The following SLC24A1 variants were observed in gnomAD, a reference collection of about 807,000 sequenced individuals.
The protein encoded by SLC24A1 is sodium/potassium/calcium exchanger 1.
In SLC24A1, 52 loss-of-function variants were observed where a neutral mutation model predicts 88.1. The ratio of observed to expected loss-of-function variants is 0.59; its 90% CI spans 0.47 to 0.74. The LOEUF (loss-of-function observed/expected upper bound fraction) is 0.74. Ranked by LOEUF, SLC24A1 falls within the 30% of genes least tolerant of loss-of-function variation. The pLI is 0.00. For synonymous variants in SLC24A1, 455 were observed against 498.0 expected (o/e 0.91, Z 1.15); for missense variants, 1,173 against 1,363.3 (o/e 0.86, Z 2.20).
intron 4 of SLC24A1, among the ~76,000 whole-genome samples, chr15:65,642,442 G>T (rs546861573): frequency 2.6e-4 from 39 of 152,324 alleles, no homozygotes; most frequent in African/African-American, 8.7e-4. Context: ...AACATGGGAA[G>T]TGAGAGTCTA....
intron 2 of SLC24A1, among the ~76,000 whole-genome samples, chr15:65,634,740 C>CAAAAAAAAAAAAAAAAAAGAA (rs2074852079): frequency 1.1e-5 from 1 of 90,538 alleles, no homozygotes; most frequent in African/African-American, 4.1e-5. Context: ...TCAAAAGCAC[C>CAAAAAAAAAAAAAAAAAAGAA]AAAAAAAAAA....
Position 65,654,929 on chromosome 15 carries a change from T to C in SLC24A1, c.*850T>C. 3 of 1,099,396 alleles carry C rather than the reference T, an allele frequency of 2.7e-6. No homozygotes were observed. Among genetic ancestry groups the C allele is most frequent in the Non-Finnish European group, 3.3e-6 (3 of 895,698 alleles). 68.1% of individuals were successfully genotyped at this position (1,099,396 alleles called of 1,614,324 possible). ...AGTATTTTCTAGTTTAAAGGAGGAC[T>C]ACATTAACTCTTATTGTTGTGTTTC... On this transcript the variant is annotated 3_prime_UTR_variant, in exon 10 of 10. Transcript: ENST00000261892.
At chr15:65,653,627 T>C (rs1047255642) in intron 9 of SLC24A1, among the ~76,000 whole-genome samples, 2 of 152,166 alleles carry the variant, frequency 1.3e-5, no homozygotes, top group Non-Finnish European at 1.5e-5. Flanking sequence ...TAAGCTCTTC[T>C]AGTTATTAAT....
chr15:65,631,765 G>T (rs919560497), intron 2 of SLC24A1, among the ~76,000 whole-genome samples: 2 of 152,168 alleles, frequency 1.3e-5, no homozygotes, highest in African/African-American at 4.8e-5. Context: ...GGCAAAAACC[G>T]CGATTACTTT....
Position 65,615,254 on chromosome 15 carries a change from T to C in SLC24A1, c.-228+2641T>C, listed in dbSNP as rs549477478. ...AACAAAATGCTATGAAGTCTAAATTTTTAAAGGCCCCTCATGATCTGGGCC... is the reference window on the plus strand; with the variant it reads ...AACAAAATGCTATGAAGTCTAAATTCTTAAAGGCCCCTCATGATCTGGGCC... On this transcript the variant is annotated intron_variant, in intron 2 of 11. Transcript: ENST00000537259. Among the ~76,000 whole-genome samples, 11 of 152,206 alleles carry C rather than the reference T, an allele frequency of 7.2e-5. No homozygotes were observed. The South Asian group carries it at 2.1e-3, about 29-fold the overall frequency.
chr15:65,650,938 G>T lies in SLC24A1; in HGVS notation c.2789G>T (p.Arg930Met). 1.2e-6 allele frequency: 2 copies of T among 1,613,830 alleles called. No homozygotes were observed. The highest frequency in any genetic ancestry group is 1.7e-6 in the Non-Finnish European group (2 of 1,179,770). The change falls in exon 7 of 10, where the codon AGG becomes ATG. Residue 930 changes from arginine to methionine, a missense_variant. Physicochemically the swap from Arg to Met is moderately conservative, Grantham distance 91. Coordinates refer to ENST00000261892, the MANE Select transcript of SLC24A1 (RefSeq NM_004727.3). This position sits in a 1 kb window ranked among gnomAD's most constrained non-coding sequence, Gnocchi z 4.1. The part of the protein sequence containing the change: ...PLWLTVPDVR[R>M]QESRKFFVFT... ...TGGCTGACAGTCCCCGACGTCCGAA[G>T]GCAGGTGAGTGTGCCCATCTGTATC...
chr15:65,644,734 T>C (rs1596337514), intron 5 of SLC24A1, among the ~76,000 whole-genome samples: 2 of 152,296 alleles, frequency 1.3e-5, no homozygotes, highest in South Asian at 2.1e-4. Flanking sequence ...TGGCCGCTGG[T>C]CTGAGAGTGG....
At position 65,625,139 on chromosome 15, in the gene SLC24A1, T is replaced by A; in HGVS notation, c.1059T>A (p.Ser353Arg). ...WSLRNPSPRT[S>R]VSAIKTAPAI... ...TTAGGAATCCTTCACCCAGGACCAG[T>A]GTATCAGCCATCAAAACAGCCCCAG... Residue 353 changes from serine (S) to arginine (R), a missense_variant, in exon 2 of 10, where the codon AGT becomes AGA. Transcript: ENST00000261892. 1 of 1,613,690 alleles carries A rather than the reference T, an allele frequency of 6.2e-7. No homozygotes were observed. The highest frequency in any genetic ancestry group is 8.5e-7 in the Non-Finnish European group (1 of 1,179,870).
At chr15:65,636,108 G>A (rs1217838710) in intron 2 of SLC24A1, among the ~76,000 whole-genome samples, 2 of 152,194 alleles carry the variant, frequency 1.3e-5, no homozygotes, top group African/African-American at 4.8e-5. Context: ...GGGAAGCAAT[G>A]AGAAGGTAAA....
intron 2 of SLC24A1, among the ~76,000 whole-genome samples, chr15:65,629,080 G>T (rs778515760): frequency 5.3e-5 from 8 of 152,176 alleles, no homozygotes; most frequent in Admixed American, 1.3e-4. Flanking sequence ...AAACTAATTG[G>T]AATGGCCACG....
chr15:65,626,001 C>T (rs1176969082), intron 2 of SLC24A1, 31 bp downstream of exon 2: 3 of 1,525,982 alleles, frequency 2.0e-6, no homozygotes, highest in Non-Finnish European at 2.7e-6. Context: ...GTTTCTCTAG[C>T]CCCTTTGAGA....
chr15:65,650,325 A>T lies in SLC24A1; in HGVS notation c.2233-57A>T. The T allele has an allele frequency of 7.0e-7, 1 of 1,422,012 alleles. No individual in the cohort carries two copies. Among genetic ancestry groups the T allele is most frequent in the Admixed American group, 2.3e-5 (1 of 42,798 alleles). The allele number at this position is 1,422,012 out of a possible 1,614,324, so 88.1% of individuals were successfully genotyped here. On this transcript the variant is annotated intron_variant, in intron 6 of 9. Transcript: ENST00000261892. The surrounding 1 kb of genome is among the most constrained non-coding windows in gnomAD (Gnocchi z 4.1). ...GCCAACAAAAAAATGGGGGAGTAACATAAGGAAAACAAGCAGAGCAGTTAC... is the reference window on the plus strand; with the variant it reads ...GCCAACAAAAAAATGGGGGAGTAACTTAAGGAAAACAAGCAGAGCAGTTAC...
In SLC24A1 at chr15:65,651,040, G is replaced by A. The variant is rs544861840; in HGVS notation, c.2793+98G>A. On this transcript the variant is annotated intron_variant, in intron 7 of 9. Coordinates refer to ENST00000261892, the MANE Select transcript of SLC24A1 (RefSeq NM_004727.3). ...CACACTCAAGAGGAGGAAGAGGCCA[G>A]GGACAACCAGCTTATCAGGGCTCCA... 1.8e-5 allele frequency: 18 copies of A among 1,006,570 alleles called. No homozygotes were observed. The Admixed American group carries it at 2.5e-4, about 14-fold the overall frequency. 62.4% of individuals were successfully genotyped at this position (1,006,570 alleles called of 1,614,324 possible).
chr15:65,624,910 A>G lies in SLC24A1; in HGVS notation c.830A>G (p.Glu277Gly), dbSNP rs1424143377. The G allele has an allele frequency of 6.2e-7, 1 of 1,613,388 alleles. No individual in the cohort carries two copies. The highest frequency in any genetic ancestry group is 1.7e-5 in the Admixed American group (1 of 59,838). The change falls in exon 2 of 10, where the codon GAA (glutamate) becomes GGA (glycine). Residue 277 changes from glutamate (E) to glycine (G), a missense_variant. Coordinates refer to ENST00000261892, the MANE Select transcript of SLC24A1 (RefSeq NM_004727.3). ...TTGACTTCTCCAAGGAGCGTCATGG[A>G]AAAAAACAACCTGTTTCCCCCCAGA... ...NVLTSPRSVM[E>G]KNNLFPPRRV...
Position 65,650,254 on chromosome 15 carries a change from A to C in SLC24A1, c.2233-128A>C. 1 of 689,560 alleles carries C rather than the reference A, an allele frequency of 1.5e-6. No individual in the cohort carries two copies. Among genetic ancestry groups the C allele is most frequent in the Non-Finnish European group, 2.5e-6 (1 of 406,712 alleles). The allele number at this position is 689,560 out of a possible 1,614,324, so 42.7% of individuals were successfully genotyped here. On this transcript the variant is annotated intron_variant, in intron 6 of 9. Coordinates refer to ENST00000261892, the MANE Select transcript of SLC24A1 (RefSeq NM_004727.3). This position sits in a 1 kb window ranked among gnomAD's most constrained non-coding sequence, Gnocchi z 4.1. ...GGGAATTCTGCTGAATTATCGCACT[A>C]GTTTTCTCCTCATACTTAAGTTTTC...
At chr15:65,639,444 G>T in intron 3 of SLC24A1, 151 bp from the exon 4 acceptor site, 1 of 611,056 alleles carries the variant, frequency 1.6e-6, no homozygotes. Flanking sequence ...TAACTCTTCT[G>T]GTTGGAGGTG....
At chr15:65,645,129 A>G (rs1205397378) in intron 5 of SLC24A1, among the ~76,000 whole-genome samples, 1 of 152,248 alleles carries the variant, frequency 6.6e-6, no homozygotes, top group African/African-American at 2.4e-5. Context: ...CAGAGAGGTC[A>G]AGTGACTTCC....
chr15:65,621,172 C>T (rs540131891), upstream of SLC24A1, among the ~76,000 whole-genome samples: 3 of 152,290 alleles, frequency 2.0e-5, no homozygotes, highest in East Asian at 5.8e-4. Context: ...CTGGAGGAAA[C>T]AGGAAAGGGA....
At chr15:65,623,083 T>G (rs2074375377) in intron 1 of SLC24A1, among the ~76,000 whole-genome samples, 1 of 152,190 alleles carries the variant, frequency 6.6e-6, no homozygotes, top group African/African-American at 2.4e-5. Context: ...TCAACATTCC[T>G]GTGACACTGT....
Sources: allele counts gnomAD v4.1 joint callset (sites outside exome capture counted in the v4.1 genomes callset), GRCh38; gene constraint gnomAD v4.1.1; non-coding constraint Gnocchi (gnomAD v3.1); transcripts MANE v1.5; gene names NCBI Gene and HGNC (gene_info 2026-07-23, HGNC 2026-07-21).